Variants in CSMD1 observed in about 807,000 individuals in gnomAD.
CSMD1 encodes CUB and sushi domain-containing protein 1.
In CSMD1, 213 loss-of-function variants were observed where a neutral mutation model predicts 417.5. That is an observed-to-expected ratio of 0.51 (90% confidence interval 0.46 to 0.57). CSMD1 has a LOEUF of 0.57. CSMD1 is among the 20% of genes least tolerant of loss of function. The pLI, the probability that CSMD1 is intolerant of heterozygous loss-of-function variation, is 0.00. For synonymous variants in CSMD1, 2,862 were observed against 1,736.8 expected (o/e 1.65, Z -16.11); for missense variants, 6,923 against 4,529.7 (o/e 1.53, Z -15.17).
intron 3 of CSMD1, among the ~76,000 whole-genome samples, chr8:4,382,576 G>A (rs111872665): frequency 0.084 from 12,743 of 152,154 alleles, 699 homozygotes; most frequent in South Asian, 0.19. Context: ...TCCTTTAAAG[G>A]AAAGTTAAAA....
At chr8:3,247,521 C>T (rs1439954852) in intron 26 of CSMD1, among the ~76,000 whole-genome samples, 1 of 152,206 alleles carries the variant, frequency 6.6e-6, no homozygotes, top group African/African-American at 2.4e-5. Flanking sequence ...CCCTACGAGG[C>T]AAGCTCAGGT....
intron 1 of CSMD1, among the ~76,000 whole-genome samples, chr8:4,780,994 G>A (rs1032929236): frequency 6.6e-6 from 1 of 152,168 alleles, no homozygotes; most frequent in African/African-American, 2.4e-5. Flanking sequence ...AAAGGTCAGT[G>A]TCTTACCTTA....
At chr8:4,772,613 T>C (rs1367115891) in intron 1 of CSMD1, among the ~76,000 whole-genome samples, 1 of 152,216 alleles carries the variant, frequency 6.6e-6, no homozygotes, top group African/African-American at 2.4e-5. Context: ...TTTTTCTTAG[T>C]ATTTTTATCA....
intron 41 of CSMD1, among the ~76,000 whole-genome samples, chr8:3,135,892 C>A (rs558601316): frequency 5.3e-5 from 8 of 152,210 alleles, no homozygotes; most frequent in Admixed American, 3.3e-4. Flanking sequence ...GGGGACATAT[C>A]ATCCATGTGT....
At chr8:4,341,398 C>T (rs1483914381) in intron 3 of CSMD1, among the ~76,000 whole-genome samples, 1 of 152,056 alleles carries the variant, frequency 6.6e-6, no homozygotes, top group Non-Finnish European at 1.5e-5. Flanking sequence ...TGAAGAAAGC[C>T]TTGAACTCAA....
intron 3 of CSMD1, among the ~76,000 whole-genome samples, chr8:4,275,273 C>T (rs1358729884): frequency 6.6e-6 from 1 of 151,974 alleles, no homozygotes; most frequent in Non-Finnish European, 1.5e-5. Context: ...AATATGACTT[C>T]TCTTTTATGT....
intron 5 of CSMD1, among the ~76,000 whole-genome samples, chr8:3,912,670 T>C (rs1808540197): frequency 6.6e-6 from 1 of 152,118 alleles, no homozygotes; most frequent in Non-Finnish European, 1.5e-5. Context: ...TGGAGCATGT[T>C]TGATAAACTG....
chr8:4,440,126 G>C (rs1302823437), intron 2 of CSMD1, among the ~76,000 whole-genome samples: 1 of 152,144 alleles, frequency 6.6e-6, no homozygotes, highest in Non-Finnish European at 1.5e-5. Flanking sequence ...TCTTTAAAGT[G>C]CAGCTTTGGT....
At chr8:4,497,833 G>A (rs1802054864) in intron 2 of CSMD1, among the ~76,000 whole-genome samples, 1 of 152,190 alleles carries the variant, frequency 6.6e-6, no homozygotes, top group Admixed American at 6.5e-5. Flanking sequence ...ATCAACGGTA[G>A]AAAAATAATT....
intron 5 of CSMD1, among the ~76,000 whole-genome samples, chr8:3,770,520 C>A (rs1181850019): frequency 1.3e-5 from 2 of 152,096 alleles, no homozygotes; most frequent in East Asian, 3.9e-4. Flanking sequence ...CAAAGTGAGA[C>A]TCCATCTCAA....
intron 5 of CSMD1, among the ~76,000 whole-genome samples, chr8:3,950,348 C>G (rs1412238362): frequency 6.6e-6 from 1 of 152,170 alleles, no homozygotes; most frequent in African/African-American, 2.4e-5. Context: ...TCTAGCTGGT[C>G]TGCATAAAGT....
At chr8:4,652,496 G>A (rs116070633) in intron 1 of CSMD1, among the ~76,000 whole-genome samples, 1,699 of 152,098 alleles carry the variant, frequency 0.011, 38 homozygotes, top group East Asian at 0.099. Context: ...CGAGCCTGCC[G>A]AGACAGATTC....
intron 1 of CSMD1, among the ~76,000 whole-genome samples, chr8:4,955,973 C>T (rs557195233): frequency 1.5e-4 from 23 of 152,340 alleles, no homozygotes; most frequent in Admixed American, 2.0e-4. Context: ...GTGCTGCGTT[C>T]TGTGATTTTC....
At chr8:3,104,090 T>G (rs961170882) in intron 46 of CSMD1, among the ~76,000 whole-genome samples, 1 of 152,198 alleles carries the variant, frequency 6.6e-6, no homozygotes, top group Non-Finnish European at 1.5e-5. Context: ...ACGTATGCCT[T>G]TCTTCTCTTC....
intron 4 of CSMD1, among the ~76,000 whole-genome samples, chr8:4,029,378 TG>T (rs1797225998): frequency 6.6e-6 from 1 of 152,164 alleles, no homozygotes; most frequent in Admixed American, 6.5e-5. Flanking sequence ...TCTATATGGC[TG>T]GGGAAGCCTC....
intron 5 of CSMD1, among the ~76,000 whole-genome samples, chr8:3,864,194 G>C (rs1299787359): frequency 6.6e-6 from 1 of 152,222 alleles, no homozygotes; most frequent in East Asian, 1.9e-4. Context: ...GATAAAAACA[G>C]AATAATAATT....
intron 3 of CSMD1, among the ~76,000 whole-genome samples, chr8:4,057,537 A>C (rs987389685): frequency 2.0e-5 from 3 of 152,006 alleles, no homozygotes; most frequent in Admixed American, 1.3e-4. Flanking sequence ...CTTTAGTTTA[A>C]TTAGATCCCA....
intron 5 of CSMD1, among the ~76,000 whole-genome samples, chr8:3,935,826 A>G (rs938541392): frequency 2.6e-5 from 4 of 152,176 alleles, no homozygotes; most frequent in African/African-American, 9.7e-5. Context: ...AGGAAGAGTC[A>G]CATGTCTCTA....
At chr8:3,206,671 T>C (rs1797310103) in intron 30 of CSMD1, among the ~76,000 whole-genome samples, 1 of 149,226 alleles carries the variant, frequency 6.7e-6, no homozygotes, top group Admixed American at 6.7e-5. Flanking sequence ...GGGGTATGTC[T>C]GTGTGTGTGT....
Sources: gnomAD v4.1 joint callset for allele counts (sites outside exome capture counted in the v4.1 genomes callset) on GRCh38, gnomAD v4.1.1 for gene constraint, MANE v1.5 for transcripts, NCBI Gene and HGNC (gene_info 2026-07-23, HGNC 2026-07-21) for gene names.